COPB1: variants seen among roughly 807,000 people sequenced by gnomAD.
The protein encoded by COPB1 is coatomer subunit beta.
Under a neutral mutation model 108.7 loss-of-function variants are expected in COPB1, and 21 were observed. That is an observed-to-expected ratio of 0.19 (90% CI 0.14 to 0.28). The LOEUF (loss-of-function observed/expected upper bound fraction) is 0.28. COPB1 is among the 10% of genes least tolerant of loss of function. The pLI, the probability that COPB1 is intolerant of heterozygous loss-of-function variation, is 1.00. For missense variants in COPB1, 919 were observed against 1,141.3 expected, an observed-to-expected ratio of 0.81 and a Z score of 2.81; for synonymous variants, 378 against 386.8, an observed-to-expected ratio of 0.98 and a Z score of 0.27.
chr11:14,490,394 G>C (rs1350486087), intron 5 of COPB1, among the ~76,000 whole-genome samples, 171 bp downstream of exon 5: 1 of 152,114 alleles, frequency 6.6e-6, no homozygotes, highest in Non-Finnish European at 1.5e-5. Context: ...CAATATTTTA[G>C]AGAAGGGTTA....
chr11:14,482,144 G>A (rs1416375953), intron 8 of COPB1, among the ~76,000 whole-genome samples: 1 of 152,062 alleles, frequency 6.6e-6, no homozygotes, highest in East Asian at 1.9e-4. Flanking sequence ...CAAGGGTAAG[G>A]ATAATTTCTT....
intron 14 of COPB1, among the ~76,000 whole-genome samples, 184 bp from the exon 15 acceptor site, chr11:14,469,747 T>G (rs1160306623): frequency 6.6e-6 from 1 of 152,242 alleles, no homozygotes; most frequent in African/African-American, 2.4e-5. Flanking sequence ...ACTGCCACTC[T>G]CTAAGACCTG....
At chr11:14,465,104 C>T (rs1850257608) in intron 17 of COPB1, 74 bp from the exon 18 acceptor site, 1 of 1,234,954 alleles carries the variant, frequency 8.1e-7, no homozygotes, top group Non-Finnish European at 1.1e-6. Context: ...CACACACACA[C>T]ACACACTAAC....
At chr11:14,498,046 A>G (rs1851065126) in intron 2 of COPB1, among the ~76,000 whole-genome samples, 1 of 152,214 alleles carries the variant, frequency 6.6e-6, no homozygotes, top group South Asian at 2.1e-4. Context: ...TGGGAAGGGT[A>G]GTGGTAGGGA....
chr11:14,468,710 C>G lies in COPB1; in HGVS notation c.2116G>C (p.Ala706Pro), dbSNP rs376447410. The change falls in exon 16 of 22, where the codon GCA becomes CCA. Residue 706 changes from alanine (A) to proline (P), a missense_variant. Around this residue, in one of 5 missense-constraint regions of COPB1, gnomAD observed 705 missense variants for 817.8 expected, o/e 0.86. Transcript: ENST00000439561. ...AMGNTQRKEA[A>P]DPLASKLNKV... ...TTAAGTTTAGATGCTAGGGGATCTGCTGCCTCTTTCCTCTGTGTGTTACCC... is the reference window on the plus strand; with the variant it reads ...TTAAGTTTAGATGCTAGGGGATCTGGTGCCTCTTTCCTCTGTGTGTTACCC... The G allele has an allele frequency of 5.6e-6, 9 of 1,614,088 alleles. No individual in the cohort carries two copies. Among genetic ancestry groups the G allele is most frequent in the Non-Finnish European group, 7.6e-6 (9 of 1,179,976 alleles).
In COPB1 at chr11:14,490,395, A is replaced by T. The variant is rs148669889; in HGVS notation, c.606+170T>A. On this transcript the variant is annotated intron_variant, in intron 5 of 21. Coordinates refer to ENST00000439561, the MANE Select transcript of COPB1 (RefSeq NM_001144061.2). ...AATGTATACATATGCAATATTTTAG[A>T]GAAGGGTTAAGAAAAAAATGTATTT... 1.8e-3 allele frequency among the ~76,000 whole-genome samples: 277 copies of T among 152,344 alleles called. 9 individuals are homozygous for T. In the East Asian group the frequency reaches 0.044, roughly 24 times the overall value.
Position 14,469,571 on chromosome 11 carries a change from A to C in COPB1, c.1738-8T>G. 2 of 1,610,004 alleles carry C rather than the reference A, an allele frequency of 1.2e-6. No homozygotes were observed. Among genetic ancestry groups the C allele is most frequent in the Non-Finnish European group, 1.7e-6 (2 of 1,176,388 alleles). On this transcript the variant is annotated splice_region_variant and splice_polypyrimidine_tract_variant and intron_variant, in intron 14 of 21. Coordinates refer to ENST00000439561, the MANE Select transcript of COPB1 (RefSeq NM_001144061.2). ...AGCCTCAGCAACAAAAGACTAAGAA[A>C]GTAAAGAAATCGGTTACTGATATTG...
At position 14,466,396 on chromosome 11, in the gene COPB1, C is replaced by A. The variant is rs376194875; in HGVS notation, c.2176G>T (p.Val726Leu). 1.2e-5 allele frequency: 19 copies of A among 1,612,620 alleles called. No individual in the cohort carries two copies. The highest frequency in any genetic ancestry group is 1.6e-5 in the Non-Finnish European group (19 of 1,179,488). ...VTQLTGFSDP[V>L]YAEAYVHVNQ... ...ACATGAACGTAAGCTTCTGCATATA[C>A]AGGATCTGAGAAACCTGTCAATTGG... Residue 726 changes from valine (V) to leucine (L), a missense_variant, in exon 17 of 22, where the codon GTA becomes TTA. By Grantham distance (32) the Val-to-Leu change is conservative. This residue lies in a region of COPB1 where 705 missense variants were observed against 817.8 expected (regional missense o/e 0.86). Coordinates refer to ENST00000439561, the MANE Select transcript of COPB1 (RefSeq NM_001144061.2).
intron 7 of COPB1, 75 bp from the exon 8 acceptor site, chr11:14,483,226 C>A: frequency 1.2e-6 from 1 of 831,452 alleles, no homozygotes; most frequent in Non-Finnish European, 1.7e-6. Flanking sequence ...TGCGCGCGCA[C>A]ACCACACACA....
chr11:14,472,455 G>A (rs1002077728), intron 14 of COPB1, among the ~76,000 whole-genome samples: 4 of 152,174 alleles, frequency 2.6e-5, no homozygotes, highest in African/African-American at 9.7e-5. Flanking sequence ...CAATTCTTAA[G>A]AGCCCTAGGA....
rs536121575 is a variant in COPB1, at chr11:14,499,709, C to T, written c.-60G>A. On this transcript the variant is annotated splice_region_variant and 5_prime_UTR_variant, in exon 1 of 22. It adds an upstream start codon to the 5' untranslated region. Transcript: ENST00000439561. Reference sequence around the variant, plus strand: ...TCTTCCGACTCTGCCCGACCCACCACGCCTCTGGGACTGGGGGCTTGTGGC... The same window carrying T: ...TCTTCCGACTCTGCCCGACCCACCATGCCTCTGGGACTGGGGGCTTGTGGC... The T allele has an allele frequency of 6.6e-6, 1 of 152,590 alleles. No individual in the cohort carries two copies. The highest frequency in any genetic ancestry group is 1.9e-4 in the East Asian group (1 of 5,172). The allele number at this position is 152,590 out of a possible 1,614,324, so 9.5% of individuals were successfully genotyped here. A position where few individuals can be genotyped will look rare whatever the true frequency, so the allele number is the denominator to read the frequency against.
At chr11:14,487,675 AAAAAAAC>A (rs1201834939) in intron 6 of COPB1, among the ~76,000 whole-genome samples, 1 of 151,616 alleles carries the variant, frequency 6.6e-6, no homozygotes, top group Admixed American at 6.6e-5. Context: ...ACTCTGCCCA[AAAAAAAC>A]AAAAAACAAC....
intron 4 of COPB1, among the ~76,000 whole-genome samples, chr11:14,493,130 G>C (rs988540671): frequency 1.3e-5 from 2 of 152,134 alleles, no homozygotes; most frequent in African/African-American, 4.8e-5. Flanking sequence ...TGGGCAACGA[G>C]AGTGGAACTC....
Position 14,469,559 on chromosome 11 carries a change from A to G in COPB1, c.1742T>C (p.Phe581Ser). The change falls in exon 15 of 22, where the codon TTT becomes TCT. Residue 581 changes from phenylalanine to serine, a missense_variant. Coordinates refer to ENST00000439561, the MANE Select transcript of COPB1 (RefSeq NM_001144061.2). ...CATGAGCAACATAGCCTCAGCAACA[A>G]AAGACTAAGAAAGTAAAGAAATCGG... is the stretch of plus-strand genomic sequence containing the variant. ...LVQEKKKQNS[F>S]VAEAMLLMAT... is the part of the protein sequence containing the mutation. 6.2e-7 allele frequency: 1 copy of G among 1,612,984 alleles called. No homozygotes were observed.
chr11:14,497,169 C>A (rs1287271894), intron 2 of COPB1, among the ~76,000 whole-genome samples: 8 of 151,984 alleles, frequency 5.3e-5, no homozygotes, highest in Non-Finnish European at 1.0e-4. Flanking sequence ...CACAGGCAAC[C>A]AAAGCAAAAA....
chr11:14,464,768 A>G, intron 18 of COPB1, 143 bp downstream of exon 18: 4 of 891,498 alleles, frequency 4.5e-6, no homozygotes, highest in Admixed American at 2.9e-5. Flanking sequence ...ACATAGTTCA[A>G]TGCGTGGTAC....
At chr11:14,494,687 T>C in intron 2 of COPB1, 1 of 354,518 alleles carries the variant, frequency 2.8e-6, no homozygotes, top group Non-Finnish European at 5.1e-6. Flanking sequence ...GGATTAGATT[T>C]CTGGTTCCTA....
At chr11:14,485,222 C>T (rs1850744783) in intron 7 of COPB1, among the ~76,000 whole-genome samples, 1 of 152,010 alleles carries the variant, frequency 6.6e-6, no homozygotes, top group African/African-American at 2.4e-5. Context: ...AGTGGCACCA[C>T]GATAGCTCAC....
At chr11:14,477,740 C>T (rs1470639553) in intron 11 of COPB1, among the ~76,000 whole-genome samples, 1 of 151,470 alleles carries the variant, frequency 6.6e-6, no homozygotes, top group African/African-American at 2.4e-5. Flanking sequence ...ACTGAAAATA[C>T]AAAAAAAATT....
Sources: allele counts gnomAD v4.1 joint callset (sites outside exome capture counted in the v4.1 genomes callset), GRCh38; gene constraint gnomAD v4.1.1; regional missense constraint gnomAD v4.1.1; transcripts MANE v1.5; gene names NCBI Gene and HGNC (gene_info 2026-07-23, HGNC 2026-07-21).